Variants in GYPB observed in about 807,000 individuals in gnomAD.
The protein encoded by GYPB is glycophorin-B.
In GYPB, 13 loss-of-function variants were observed where a neutral mutation model predicts 15.3. The observed-to-expected ratio is 0.85, with a 90% CI of 0.55 to 1.35. The LOEUF (loss-of-function observed/expected upper bound fraction) is 1.35, where lower values mean the gene tolerates loss of function less well. Among genes scored for constraint, GYPB ranks in the 40% most tolerant of loss-of-function variants. The pLI is 0.00. For missense variants in GYPB, 131 were observed against 108.3 expected (o/e 1.21, Z -0.93); for synonymous variants, 38 against 36.9 (o/e 1.03, Z -0.11).
chr4:144,010,993 CAG>C (rs1221689837), intron 1 of GYPB, among the ~76,000 whole-genome samples: 3 of 151,398 alleles, frequency 2.0e-5, no homozygotes, highest in African/African-American at 7.4e-5. Flanking sequence ...AATAGGATAA[CAG>C]AAATAAGATA....
chr4:143,998,524 C>T (rs1377920314), intron 3 of GYPB, among the ~76,000 whole-genome samples: 3 of 146,762 alleles, frequency 2.0e-5, no homozygotes, highest in African/African-American at 2.6e-5. Flanking sequence ...TGCTTTTTAC[C>T]CTGTGAGCCA....
chr4:144,018,886 C>A (rs34022769), intron 1 of GYPB, among the ~76,000 whole-genome samples: 1 of 151,318 alleles, frequency 6.6e-6, no homozygotes, highest in African/African-American at 2.5e-5. Flanking sequence ...GCTACCAACA[C>A]CTTTGTTAAT....
chr4:144,019,044 G>C (rs1728650360), intron 1 of GYPB, among the ~76,000 whole-genome samples: 1 of 151,152 alleles, frequency 6.6e-6, no homozygotes, highest in Non-Finnish European at 1.5e-5. Flanking sequence ...CTAGAAAACT[G>C]GATTCGGCCA....
intron 1 of GYPB, among the ~76,000 whole-genome samples, chr4:144,009,185 A>T (rs541590450): frequency 6.6e-6 from 1 of 151,438 alleles, no homozygotes; most frequent in South Asian, 2.1e-4. Flanking sequence ...GACAGAGTTG[A>T]ACTGCTTGGT....
chr4:143,999,021 C>G (rs761537800), intron 3 of GYPB, among the ~76,000 whole-genome samples: 27 of 151,120 alleles, frequency 1.8e-4, no homozygotes, highest in Non-Finnish European at 3.5e-4. Flanking sequence ...ATCCTCCCAC[C>G]TCAGCCAGCC....
intron 1 of GYPB, among the ~76,000 whole-genome samples, chr4:144,018,040 TTA>T (rs1728596051): frequency 6.6e-6 from 1 of 151,342 alleles, no homozygotes; most frequent in South Asian, 2.1e-4. Flanking sequence ...TTAATATTAC[TTA>T]TATTATTAAT....
At chr4:144,012,029 A>T (rs1427170609) in intron 1 of GYPB, among the ~76,000 whole-genome samples, 1 of 152,110 alleles carries the variant, frequency 6.6e-6, no homozygotes, top group Non-Finnish European at 1.5e-5. Flanking sequence ...AAGTGATAAC[A>T]TCAAAAGGAG....
chr4:143,998,531 G>A (rs2149955645), intron 3 of GYPB, among the ~76,000 whole-genome samples: 1 of 147,058 alleles, frequency 6.8e-6, no homozygotes. Context: ...TACCCTGTGA[G>A]CCATGGACAC....
rs1389841661 is a variant in GYPB at position 144,013,555 on chromosome 4, G to T, written c.37+5696C>A. Reference sequence around the variant, plus strand: ...CAATGATAGACTGGATTAAGAAAATGTGGCACATTTACACCATGGAATACT... The same window carrying T: ...CAATGATAGACTGGATTAAGAAAATTTGGCACATTTACACCATGGAATACT... On this transcript the variant is annotated intron_variant, in intron 1 of 4. Coordinates refer to ENST00000502664, the MANE Select transcript of GYPB (RefSeq NM_002100.6). 2.6e-4 allele frequency among the ~76,000 whole-genome samples: 40 copies of T among 151,324 alleles called. 4 individuals are homozygous for T. Among genetic ancestry groups the T allele is most frequent in the African/African-American group, 9.1e-4 (37 of 40,660 alleles).
At chr4:143,997,395 C>T in intron 4 of GYPB, 145 bp downstream of exon 4, 2 of 551,808 alleles carry the variant, frequency 3.6e-6, no homozygotes. Context: ...TAGAGAAACA[C>T]AGTGACTTCT....
chr4:144,004,059 T>G (rs1727756125), intron 1 of GYPB, among the ~76,000 whole-genome samples: 1 of 151,584 alleles, frequency 6.6e-6, no homozygotes, highest in Non-Finnish European at 1.5e-5. Flanking sequence ...GTCCTATTTG[T>G]ACCCTTACAA....
intron 2 of GYPB, among the ~76,000 whole-genome samples, chr4:144,000,908 C>T (rs1252427132): frequency 1.3e-5 from 2 of 151,174 alleles, no homozygotes; most frequent in African/African-American, 4.9e-5. Context: ...CTATTAGGTC[C>T]CCTTTATCTG....
At chr4:144,012,959 G>C (rs1728294381) in intron 1 of GYPB, among the ~76,000 whole-genome samples, 1 of 151,422 alleles carries the variant, frequency 6.6e-6, no homozygotes. Flanking sequence ...AATTGGACTT[G>C]AAAATGAAAA....
intron 1 of GYPB, among the ~76,000 whole-genome samples, chr4:144,005,186 C>G (rs1376919762): frequency 6.6e-6 from 1 of 151,960 alleles, no homozygotes; most frequent in Non-Finnish European, 1.5e-5. Context: ...AAATTGCCGA[C>G]TTTACAGATA....
Position 143,999,432 on chromosome 4 carries a change from C to G in GYPB, c.154G>C (p.Val52Leu). The change falls in exon 3 of 5, where the codon GTC (valine) becomes CTC (leucine). Residue 52 changes from valine to leucine, a missense_variant. Transcript: ENST00000502664. ...ATACCTGGTACAGTGAAACGATGGA[C>G]AAGTTGTCCCGTTTCTCCTATAAAG... ...SQTNGETGQL[V>L]HRFTVPAPVV... The G allele has an allele frequency of 6.5e-7, 1 of 1,540,346 alleles. No homozygotes were observed. The highest frequency in any genetic ancestry group is 8.9e-7 in the Non-Finnish European group (1 of 1,118,152).
chr4:144,013,444 A>G (rs964450535), intron 1 of GYPB, among the ~76,000 whole-genome samples: 1 of 151,374 alleles, frequency 6.6e-6, no homozygotes, highest in Admixed American at 6.6e-5. Flanking sequence ...ACCATAAATC[A>G]TGCTGCTATA....
Position 143,997,551 on chromosome 4 carries a change from G to T in GYPB, c.259C>A (p.Arg87=), listed in dbSNP as rs200485377. Reference sequence around the variant, plus strand: ...AACTGAATTCTCACCTTTATCAGTCGGCGAATACTGTAAGAAATTAAGAGG... The same window carrying T: ...AACTGAATTCTCACCTTTATCAGTCTGCGAATACTGTAAGAAATTAAGAGG... ...TILLISYSIR[R]LIKA Residue 87 remains arginine, a synonymous_variant, in exon 4 of 5, where the codon CGA becomes AGA. Transcript: ENST00000502664. 11 of 1,574,682 alleles carry T rather than the reference G, an allele frequency of 7.0e-6. 2 individuals are homozygous for T. In the Middle Eastern group the frequency reaches 5.0e-4, roughly 72 times the overall value.
At chr4:143,995,246 A>C (rs143756556), downstream of GYPB, among the ~76,000 whole-genome samples, 1 of 151,600 alleles carries the variant, frequency 6.6e-6, no homozygotes, top group African/African-American at 2.4e-5. Context: ...GAATTTATAC[A>C]TTCAAAGCAG....
intron 1 of GYPB, among the ~76,000 whole-genome samples, chr4:144,009,149 G>A (rs1031141595): frequency 4.0e-5 from 6 of 151,218 alleles, no homozygotes; most frequent in Non-Finnish European, 7.4e-5. Context: ...CACTTTCCAA[G>A]GATAAGCTCA....
Sources: allele counts gnomAD v4.1 joint callset (sites outside exome capture counted in the v4.1 genomes callset), GRCh38; gene constraint gnomAD v4.1.1; transcripts MANE v1.5; gene names NCBI Gene and HGNC (gene_info 2026-07-23, HGNC 2026-07-21).